The following DYM variants were observed in gnomAD, a reference collection of about 807,000 sequenced individuals.
The protein encoded by DYM is dyggve-Melchior-Clausen syndrome protein.
In DYM, 78 loss-of-function variants were observed where a neutral mutation model predicts 93.1. The ratio of observed to expected loss-of-function variants is 0.84; its 90% CI spans 0.70 to 1.01. DYM has a LOEUF of 1.01. DYM is among the 50% of genes least tolerant of loss of function. The pLI is 0.00. For synonymous variants in DYM, 321 were observed against 319.7 expected, an observed-to-expected ratio of 1.00 and a Z score of -0.04; for missense variants, 789 against 845.0, an observed-to-expected ratio of 0.93 and a Z score of 0.82.
chr18:49,244,325 C>T (rs1042009223), intron 13 of DYM, among the ~76,000 whole-genome samples: 1 of 152,178 alleles, frequency 6.6e-6, no homozygotes, highest in African/African-American at 2.4e-5. Context: ...CCACTATTCA[C>T]CCTCAAATCT....
chr18:49,309,051 T>C (rs986146303), intron 8 of DYM, among the ~76,000 whole-genome samples: 2 of 152,268 alleles, frequency 1.3e-5, no homozygotes, highest in African/African-American at 4.8e-5. Context: ...TTAAAAGCTA[T>C]ATTGTCATTA....
intron 2 of DYM, among the ~76,000 whole-genome samples, chr18:49,394,287 G>C (rs576542507): frequency 2.0e-5 from 3 of 152,078 alleles, no homozygotes; most frequent in South Asian, 4.1e-4. Flanking sequence ...ACCTTCATAA[G>C]GTTATTATGA....
At chr18:49,393,765 C>T (rs1437899482) in intron 2 of DYM, 3 of 151,850 alleles carry the variant, frequency 2.0e-5, no homozygotes, top group Non-Finnish European at 4.4e-5. Context: ...AGAGAAACTT[C>T]ATCTCAAAAG....
intron 17 of DYM, among the ~76,000 whole-genome samples, chr18:49,061,974 G>A (rs2076015935): frequency 6.6e-6 from 1 of 152,068 alleles, no homozygotes; most frequent in Admixed American, 6.6e-5. Context: ...TTCTGATACG[G>A]TCTCTCTTTG....
chr18:49,275,876 A>G (rs999660300), intron 10 of DYM, among the ~76,000 whole-genome samples: 1 of 152,214 alleles, frequency 6.6e-6, no homozygotes, highest in Non-Finnish European at 1.5e-5. Context: ...TTTCTCATAT[A>G]TAAAAATACT....
chr18:49,367,009 C>A (rs1051469813), intron 5 of DYM, among the ~76,000 whole-genome samples: 3 of 152,110 alleles, frequency 2.0e-5, no homozygotes, highest in Non-Finnish European at 4.4e-5. Context: ...TATGTTTCTA[C>A]ACAAAGTTGG....
intron 2 of DYM, among the ~76,000 whole-genome samples, chr18:49,402,337 C>T (rs900004844): frequency 2.9e-4 from 44 of 152,268 alleles, no homozygotes; most frequent in African/African-American, 1.0e-3. Context: ...ATTAACAAAA[C>T]TCTTAGAGCA....
intron 2 of DYM, among the ~76,000 whole-genome samples, chr18:49,421,839 C>G (rs2073748465): frequency 6.6e-6 from 1 of 152,146 alleles, no homozygotes; most frequent in African/African-American, 2.4e-5. Context: ...AACCATGGCA[C>G]AAGAACTACG....
chr18:49,283,467 A>C (rs1407573881), intron 9 of DYM, among the ~76,000 whole-genome samples: 1 of 152,122 alleles, frequency 6.6e-6, no homozygotes, highest in African/African-American at 2.4e-5. Flanking sequence ...CAATGAAAAG[A>C]ACAAATCACA....
At chr18:49,204,886 A>T (rs1315566469) in intron 14 of DYM, among the ~76,000 whole-genome samples, 1 of 152,232 alleles carries the variant, frequency 6.6e-6, no homozygotes, top group Non-Finnish European at 1.5e-5. Flanking sequence ...TGGAGGAGCT[A>T]ACAGGTCTGA....
intron 8 of DYM, among the ~76,000 whole-genome samples, chr18:49,311,582 A>G (rs2061590459): frequency 6.6e-6 from 1 of 152,108 alleles, no homozygotes; most frequent in Non-Finnish European, 1.5e-5. Context: ...TTGTAGGGAC[A>G]TCGATGAAGC....
At chr18:49,361,033 C>T (rs1158972375) in intron 6 of DYM, among the ~76,000 whole-genome samples, 1 of 152,234 alleles carries the variant, frequency 6.6e-6, no homozygotes, top group African/African-American at 2.4e-5. Context: ...CTCACATATA[C>T]TTGACCCAAA....
At chr18:49,294,141 T>C (rs1281889715) in intron 8 of DYM, among the ~76,000 whole-genome samples, 1 of 152,216 alleles carries the variant, frequency 6.6e-6, no homozygotes, top group African/African-American at 2.4e-5. Flanking sequence ...TGTGGTGTTA[T>C]TTCTGAGGCC....
intron 8 of DYM, among the ~76,000 whole-genome samples, chr18:49,325,124 G>A (rs1001568757): frequency 6.6e-6 from 1 of 152,072 alleles, no homozygotes; most frequent in Non-Finnish European, 1.5e-5. Context: ...CCCCTAAGAG[G>A]CTCCCAGGCA....
At chr18:49,263,934 G>T (rs1276315729) in intron 11 of DYM, among the ~76,000 whole-genome samples, 8 of 152,086 alleles carry the variant, frequency 5.3e-5, no homozygotes, top group Admixed American at 5.2e-4. Context: ...TATGAGGATA[G>T]AAAGTTTGAT....
intron 17 of DYM, among the ~76,000 whole-genome samples, chr18:49,057,044 C>T (rs1262917128): frequency 6.6e-6 from 1 of 152,238 alleles, no homozygotes; most frequent in African/African-American, 2.4e-5. Context: ...TCGTAAGTTT[C>T]ATATCTCAGT....
intron 2 of DYM, among the ~76,000 whole-genome samples, chr18:49,419,812 T>A (rs186594708): frequency 6.6e-6 from 1 of 152,332 alleles, no homozygotes; most frequent in African/African-American, 2.4e-5. Flanking sequence ...TATATTTCAA[T>A]GTAAAAACCA....
At chr18:49,428,962 A>T (rs1452691215) in intron 2 of DYM, among the ~76,000 whole-genome samples, 2 of 126,136 alleles carry the variant, frequency 1.6e-5, no homozygotes, top group Non-Finnish European at 3.5e-5. Context: ...TTATTATCTT[A>T]CAGTTCTGTA....
intron 16 of DYM, 68 bp downstream of exon 16, chr18:49,118,676 G>A: frequency 7.1e-7 from 1 of 1,407,132 alleles, no homozygotes; most frequent in Non-Finnish European, 1.0e-6. Context: ...TCTTACCAAG[G>A]CTTATTAAAC....
Sources: allele counts gnomAD v4.1 joint callset (sites outside exome capture counted in the v4.1 genomes callset), GRCh38; gene constraint gnomAD v4.1.1; transcripts MANE v1.5; gene names NCBI Gene and HGNC (gene_info 2026-07-23, HGNC 2026-07-21).